Variants in ITPR1 observed in about 807,000 individuals in gnomAD.
ITPR1 encodes the protein inositol 1,4,5-trisphosphate-gated calcium channel ITPR1.
ITPR1 carries 96 observed loss-of-function variants against 318.4 expected under a neutral mutation model. The ratio of observed to expected loss-of-function variants is 0.30; its 90% CI spans 0.26 to 0.36. ITPR1 has a LOEUF of 0.36. Ranked by LOEUF, ITPR1 falls within the 10% of genes least tolerant of loss-of-function variation. The probability of loss-of-function intolerance (pLI) is 1.00; values close to 1 mark genes in which losing one functional copy is unlikely to be tolerated. For missense variants in ITPR1, 2,440 were observed against 3,460.2 expected (o/e 0.71, Z 7.40); for synonymous variants, 1,312 against 1,289.9 (o/e 1.02, Z -0.37).
intron 4 of ITPR1, among the ~76,000 whole-genome samples, chr3:4,550,606 A>C (rs539515926): frequency 6.6e-6 from 1 of 152,336 alleles, no homozygotes; most frequent in East Asian, 1.9e-4. Flanking sequence ...AGACTTTTCC[A>C]GCATGGGCTG....
Position 4,735,153 on chromosome 3 carries a change from C to G in ITPR1, c.5354-11C>G, listed in dbSNP as rs767599561. The stretch of plus-strand genomic sequence containing the variant: ...ATTGTGCTTAGTAAAAACAATATTC[C>G]ATCTTCTTAGGGGGAGGTTCCGGAT... On this transcript the variant is annotated splice_polypyrimidine_tract_variant and intron_variant, in intron 43 of 61. Coordinates refer to ENST00000649015, the MANE Select transcript of ITPR1 (RefSeq NM_001378452.1). The G allele has an allele frequency of 5.6e-6, 9 of 1,607,018 alleles. No homozygotes were observed. Among genetic ancestry groups the G allele is most frequent in the Admixed American group, 1.7e-5 (1 of 59,828 alleles).
intron 60 of ITPR1, chr3:4,831,127 TCTCTCACA>T (rs1206115558): frequency 1.5e-5 from 5 of 336,720 alleles, no homozygotes; most frequent in African/African-American, 2.9e-5. Context: ...TCTCTCTCTC[TCTCTCACA>T]CACACACACA....
intron 3 of ITPR1, among the ~76,000 whole-genome samples, chr3:4,517,601 C>G (rs182537260): frequency 2.0e-5 from 3 of 152,290 alleles, no homozygotes; most frequent in Non-Finnish European, 4.4e-5. Context: ...ACTTGTGCTC[C>G]CACTGTAGAG....
At chr3:4,496,932 T>TAC (rs1351716848) in intron 2 of ITPR1, among the ~76,000 whole-genome samples, 1 of 152,250 alleles carries the variant, frequency 6.6e-6, no homozygotes, top group Admixed American at 6.5e-5. Context: ...TAGGTCAAGC[T>TAC]GTCTTTGGCT....
chr3:4,589,563 G>T (rs1208941123), intron 4 of ITPR1, among the ~76,000 whole-genome samples: 1 of 152,186 alleles, frequency 6.6e-6, no homozygotes, highest in Non-Finnish European at 1.5e-5. Flanking sequence ...AATGACTGCT[G>T]TGGCCTTCTA....
At chr3:4,557,111 T>G (rs893022198) in intron 4 of ITPR1, among the ~76,000 whole-genome samples, 1 of 152,182 alleles carries the variant, frequency 6.6e-6, no homozygotes, top group Non-Finnish European at 1.5e-5. Flanking sequence ...CCGTGTGTAT[T>G]AGTCTGTTCT....
chr3:4,725,652 G>C (rs2042461730), intron 41 of ITPR1, 71 bp downstream of exon 41: 33 of 1,358,320 alleles, frequency 2.4e-5, no homozygotes, highest in Non-Finnish European at 3.4e-5. Flanking sequence ...TCCTGGTTGG[G>C]TGTCTGAATT....
At chr3:4,661,474 T>C (rs1372271513) in intron 14 of ITPR1, among the ~76,000 whole-genome samples, 2 of 152,206 alleles carry the variant, frequency 1.3e-5, no homozygotes, top group Middle Eastern at 3.2e-3. Context: ...TATGTCAATA[T>C]ACACTTTTAT....
chr3:4,769,928 G>C (rs1298399823), intron 46 of ITPR1, among the ~76,000 whole-genome samples: 1 of 152,250 alleles, frequency 6.6e-6, no homozygotes, highest in Admixed American at 6.5e-5. Context: ...GTGTGCTGGA[G>C]CACTGGGTCC....
chr3:4,590,174 CTTTTTTTTTTTTT>C (rs10713337), intron 4 of ITPR1, among the ~76,000 whole-genome samples: 1 of 87,432 alleles, frequency 1.1e-5, no homozygotes, highest in East Asian at 3.6e-4. Flanking sequence ...CTTCGTCTTG[CTTTTTTTTTTTTT>C]TTTTTTTTGT....
At chr3:4,646,009 G>A in intron 10 of ITPR1, 4 of 338,724 alleles carry the variant, frequency 1.2e-5, no homozygotes, top group South Asian at 1.3e-4. Context: ...TTGTGCAGAA[G>A]GAAAGAATAA....
At chr3:4,706,894 G>T (rs2094769773) in intron 37 of ITPR1, among the ~76,000 whole-genome samples, 1 of 152,220 alleles carries the variant, frequency 6.6e-6, no homozygotes, top group African/African-American at 2.4e-5. Context: ...ACTTAAACAT[G>T]CATCTTAACA....
At chr3:4,701,656 G>A (rs962681887) in intron 35 of ITPR1, among the ~76,000 whole-genome samples, 2 of 152,248 alleles carry the variant, frequency 1.3e-5, no homozygotes, top group African/African-American at 2.4e-5. Context: ...CTGCTTTGCC[G>A]TCACTTCTCT....
chr3:4,825,859 T>G (rs1575393704), intron 60 of ITPR1: 1 of 452,782 alleles, frequency 2.2e-6, no homozygotes, highest in African/African-American at 2.0e-5. Flanking sequence ...GGGAGGAGAG[T>G]TTCCTGCAGA....
In ITPR1 at chr3:4,680,674, G is replaced by A. The variant is rs965792046; in HGVS notation, c.3089G>A (p.Gly1030Glu). The change falls in exon 25 of 62, where the codon GGG (glycine) becomes GAG (glutamate). Residue 1030 changes from glycine (G) to glutamate (E), a missense_variant. Transcript: ENST00000649015. ...ETSSGNSSQE[G>E]PSNVPGALDF... ...TCCTCCGGAAACAGCAGCCAAGAAG[G>A]GCCAAGTAATGTACCAGGTTAGTGA... 2 of 1,612,394 alleles carry A rather than the reference G, an allele frequency of 1.2e-6. No homozygotes were observed. Among genetic ancestry groups the A allele is most frequent in the South Asian group, 2.2e-5 (2 of 90,922 alleles).
chr3:4,814,595 G>T, intron 58 of ITPR1, 33 bp downstream of exon 58: 2 of 1,230,354 alleles, frequency 1.6e-6, no homozygotes, highest in East Asian at 2.7e-5. Flanking sequence ...GAAGGGCAAA[G>T]GGGGCGGGTG....
At chr3:4,656,835 A>G (rs924617521) in intron 12 of ITPR1, among the ~76,000 whole-genome samples, 4 of 152,232 alleles carry the variant, frequency 2.6e-5, no homozygotes, top group African/African-American at 9.6e-5. Context: ...CAATAGATGC[A>G]GGTGGAGGCT....
In ITPR1 at chr3:4,691,632, T is replaced by TAAA. The variant is rs2094479874; in HGVS notation, c.4029+290_4029+292dup. On this transcript the variant is annotated intron_variant, in intron 32 of 61. Coordinates refer to ENST00000649015, the MANE Select transcript of ITPR1 (RefSeq NM_001378452.1). ...GGAACTGAATTATAGGGAATGGAGA[T>TAAA]AAAATGTAGTCAGGACCCAGTGAGC... Among the ~76,000 whole-genome samples the TAAA allele has an allele frequency of 1.3e-5, 2 of 151,626 alleles. 1 individual carries two copies. The highest frequency in any genetic ancestry group is 4.2e-4 in the South Asian group (2 of 4,804).
At chr3:4,622,360 G>A (rs1220893879) in intron 4 of ITPR1, among the ~76,000 whole-genome samples, 8 of 150,586 alleles carry the variant, frequency 5.3e-5, no homozygotes, top group South Asian at 2.1e-4. Flanking sequence ...TGATCCGCCT[G>A]CCTTGGCCTC....
Sources: gnomAD v4.1 joint callset for allele counts (sites outside exome capture counted in the v4.1 genomes callset) on GRCh38, gnomAD v4.1.1 for gene constraint, MANE v1.5 for transcripts, NCBI Gene and HGNC (gene_info 2026-07-23, HGNC 2026-07-21) for gene names.